Variants in SDK1 observed in about 807,000 individuals in gnomAD.
The protein encoded by SDK1 is sidekick cell adhesion molecule 1.
In SDK1, 157 loss-of-function variants were observed where a neutral mutation model predicts 245.5. The ratio of observed to expected loss-of-function variants is 0.64; its 90% CI spans 0.56 to 0.73. The LOEUF (loss-of-function observed/expected upper bound fraction) is 0.73, where lower values mean the gene tolerates loss of function less well. Among genes scored for constraint, SDK1 ranks in the 30% least tolerant of loss-of-function variants. SDK1 has a pLI of 0.00. For synonymous variants in SDK1, 1,647 were observed against 1,278.5 expected, an observed-to-expected ratio of 1.29 and a Z score of -6.15; for missense variants, 3,583 against 3,002.3, an observed-to-expected ratio of 1.19 and a Z score of -4.52.
intron 39 of SDK1, among the ~76,000 whole-genome samples, chr7:4,220,999 C>T (rs1785123229): frequency 6.6e-6 from 1 of 151,742 alleles, no homozygotes; most frequent in South Asian, 2.1e-4. Context: ...TGCCCAAACT[C>T]CTGGGCTCAA....
chr7:3,361,512 C>T (rs1393157607), intron 1 of SDK1, among the ~76,000 whole-genome samples: 3 of 152,190 alleles, frequency 2.0e-5, no homozygotes, highest in Non-Finnish European at 4.4e-5. Context: ...TCGTTTCCCA[C>T]ATCTTCTCTA....
intron 1 of SDK1, among the ~76,000 whole-genome samples, chr7:3,392,777 G>C (rs1317137017): frequency 6.6e-6 from 1 of 151,658 alleles, no homozygotes; most frequent in African/African-American, 2.4e-5. Context: ...TCATATTATA[G>C]CATGTAACAG....
At chr7:3,974,940 G>C (rs761547608) in intron 13 of SDK1, among the ~76,000 whole-genome samples, 21 of 152,268 alleles carry the variant, frequency 1.4e-4, no homozygotes, top group Non-Finnish European at 2.2e-4. Flanking sequence ...GCTGAGGCGA[G>C]GTCGTTCCCG....
intron 22 of SDK1, among the ~76,000 whole-genome samples, chr7:4,107,992 T>C (rs988772397): frequency 6.6e-6 from 1 of 152,160 alleles, no homozygotes; most frequent in African/African-American, 2.4e-5. Context: ...AGCTTATGGG[T>C]GGGCCCATTT....
chr7:3,462,857 G>A (rs79468637), intron 1 of SDK1, among the ~76,000 whole-genome samples: 2 of 152,218 alleles, frequency 1.3e-5, no homozygotes, highest in African/African-American at 2.4e-5. Flanking sequence ...TCATGACATC[G>A]TGCTTTTGGG....
intron 4 of SDK1, among the ~76,000 whole-genome samples, chr7:3,696,257 C>G (rs1784569457): frequency 1.3e-5 from 2 of 152,128 alleles, no homozygotes; most frequent in South Asian, 2.1e-4. Flanking sequence ...CAGATCCATG[C>G]TCCACTGTGT....
intron 5 of SDK1, among the ~76,000 whole-genome samples, chr7:3,902,999 A>T (rs527781428): frequency 2.5e-4 from 38 of 151,902 alleles, no homozygotes; most frequent in South Asian, 6.2e-4. Flanking sequence ...CAAAGAAGAT[A>T]AAAAAAACGG....
intron 4 of SDK1, among the ~76,000 whole-genome samples, chr7:3,780,553 C>G (rs1235026128): frequency 2.6e-5 from 4 of 152,168 alleles, no homozygotes; most frequent in Non-Finnish European, 5.9e-5. Context: ...GAATTTCTAC[C>G]TAGCCTGAGT....
intron 1 of SDK1, among the ~76,000 whole-genome samples, chr7:3,586,079 G>C (rs1203081392): frequency 2.6e-5 from 4 of 152,120 alleles, no homozygotes; most frequent in Non-Finnish European, 5.9e-5. Context: ...TGATGGTGGG[G>C]CTGGCCCAGG....
intron 5 of SDK1, among the ~76,000 whole-genome samples, chr7:3,827,593 C>G (rs1176645643): frequency 1.3e-5 from 2 of 152,242 alleles, no homozygotes; most frequent in Non-Finnish European, 2.9e-5. Flanking sequence ...CGTGTGTTGT[C>G]AGCTGACACT....
In SDK1 at chr7:3,639,077, C is replaced by T. The variant is rs772041128; in HGVS notation, c.532C>T (p.Leu178Phe). 56 of 1,601,458 alleles carry T rather than the reference C, an allele frequency of 3.5e-5. No homozygotes were observed. In the South Asian group the frequency reaches 5.2e-4, roughly 15 times the overall value. The stretch of plus-strand genomic sequence containing the variant: ...CGTGGTGCGAAACAGAATGGGAGCA[C>T]TCCTGCAAAGAAAATCAGAAGTTCA... ...RCVVRNRMGA[L>F]LQRKSEVQVA... Residue 178 changes from leucine (L) to phenylalanine (F), a missense_variant, in exon 3 of 45, where the codon CTC becomes TTC. Physicochemically the swap from Leu to Phe is conservative, Grantham distance 22 (BLOSUM62 0). Coordinates refer to ENST00000404826, the MANE Select transcript of SDK1 (RefSeq NM_152744.4).
chr7:3,302,668 T>G (rs1779308733), intron 1 of SDK1, among the ~76,000 whole-genome samples: 1 of 151,828 alleles, frequency 6.6e-6, no homozygotes, highest in South Asian at 2.1e-4. Flanking sequence ...TAGCATCGTT[T>G]TCTTTTGAAG....
chr7:3,641,985 A>G lies in SDK1; in HGVS notation c.593A>G (p.Gln198Arg), dbSNP rs1432032369. 4 of 1,614,078 alleles carry G rather than the reference A, an allele frequency of 2.5e-6. No individual in the cohort carries two copies. Among genetic ancestry groups the G allele is most frequent in the Non-Finnish European group, 3.4e-6 (4 of 1,179,972 alleles). ...AYMGSFMDTD[Q>R]RKTVSQGRAA... ...ATGGGAAGTTTCATGGATACGGACC[A>G]GAGGAAAACAGTTTCTCAAGGACGT... is the stretch of plus-strand genomic sequence containing the variant. The change falls in exon 4 of 45, where the codon CAG becomes CGG. Residue 198 changes from glutamine (Q) to arginine (R), a missense_variant. Physicochemically the swap from Gln to Arg is conservative, Grantham distance 43. Transcript: ENST00000404826.
chr7:3,478,374 G>C (rs186702154), intron 1 of SDK1, among the ~76,000 whole-genome samples: 10 of 152,040 alleles, frequency 6.6e-5, no homozygotes, highest in African/African-American at 2.4e-4. Context: ...TATTATTAGT[G>C]CTCTTATAAA....
At chr7:4,014,304 A>G (rs1468131228) in intron 16 of SDK1, among the ~76,000 whole-genome samples, 1 of 152,182 alleles carries the variant, frequency 6.6e-6, no homozygotes, top group African/African-American at 2.4e-5. Flanking sequence ...ACTACTGTTA[A>G]AAGGATTTTC....
intron 4 of SDK1, among the ~76,000 whole-genome samples, chr7:3,654,681 C>T (rs1239105334): frequency 2.0e-5 from 3 of 152,174 alleles, no homozygotes; most frequent in African/African-American, 7.2e-5. Context: ...GGGCACATCA[C>T]AGATAGAGAA....
chr7:3,387,383 G>T (rs1173571999), intron 1 of SDK1, among the ~76,000 whole-genome samples: 1 of 152,088 alleles, frequency 6.6e-6, no homozygotes, highest in Non-Finnish European at 1.5e-5. Context: ...CTCCTTGTAG[G>T]AGCTCACCCT....
At chr7:4,006,644 C>T (rs1785507528) in intron 14 of SDK1, among the ~76,000 whole-genome samples, 1 of 152,116 alleles carries the variant, frequency 6.6e-6, no homozygotes, top group African/African-American at 2.4e-5. Flanking sequence ...TGGATCAGTT[C>T]ATTTGTATTA....
chr7:3,324,038 A>G (rs549168490), intron 1 of SDK1, among the ~76,000 whole-genome samples: 1 of 152,332 alleles, frequency 6.6e-6, no homozygotes, highest in African/African-American at 2.4e-5. Flanking sequence ...ATGTAGAAGT[A>G]AGCATGAGAG....
Sources: allele counts gnomAD v4.1 joint callset (sites outside exome capture counted in the v4.1 genomes callset), GRCh38; gene constraint gnomAD v4.1.1; transcripts MANE v1.5; gene names NCBI Gene and HGNC (gene_info 2026-07-23, HGNC 2026-07-21).